TMX4: variants seen among roughly 807,000 people sequenced by gnomAD.
TMX4 encodes thioredoxin-related transmembrane protein 4.
TMX4 carries 23 observed loss-of-function variants against 33.3 expected under a neutral mutation model. That is an observed-to-expected ratio of 0.69 (90% CI 0.50 to 0.98). The LOEUF (loss-of-function observed/expected upper bound fraction) is 0.98, where lower values mean the gene tolerates loss of function less well. Ranked by LOEUF, TMX4 falls within the 50% of genes least tolerant of loss-of-function variation. TMX4 has a pLI of 0.00. For synonymous variants in TMX4, 164 were observed against 161.5 expected (o/e 1.02, Z -0.12); for missense variants, 399 against 448.9 (o/e 0.89, Z 1.01).
At chr20:8,004,628 C>T (rs2050720400) in intron 2 of TMX4, among the ~76,000 whole-genome samples, 2 of 151,258 alleles carry the variant, frequency 1.3e-5, no homozygotes, top group South Asian at 4.2e-4. Context: ...ACACATGCAG[C>T]AAAAGAAAGA....
chr20:8,006,469 C>T (rs1048993038), intron 2 of TMX4, among the ~76,000 whole-genome samples: 3 of 151,966 alleles, frequency 2.0e-5, no homozygotes, highest in African/African-American at 7.3e-5. Flanking sequence ...AGATCTGCAA[C>T]CAAATAGAAA....
intron 2 of TMX4, among the ~76,000 whole-genome samples, chr20:8,006,321 AAG>A (rs1491317434): frequency 2.6e-5 from 4 of 152,216 alleles, no homozygotes; most frequent in African/African-American, 9.6e-5. Flanking sequence ...CTACTGATGG[AAG>A]AGTTATAAGA....
At chr20:7,989,030 A>T (rs2122855977) in intron 5 of TMX4, among the ~76,000 whole-genome samples, 1 of 152,198 alleles carries the variant, frequency 6.6e-6, no homozygotes, top group Admixed American at 6.5e-5. Context: ...AAGAAAAAAA[A>T]AAAAAAAGTA....
At chr20:8,006,121 C>G (rs1022152851) in intron 2 of TMX4, among the ~76,000 whole-genome samples, 2 of 151,402 alleles carry the variant, frequency 1.3e-5, no homozygotes, top group African/African-American at 4.9e-5. Context: ...CCCCTTTATG[C>G]TGCCGTGGGA....
intron 6 of TMX4, among the ~76,000 whole-genome samples, chr20:7,985,501 G>C (rs2050627515): frequency 2.0e-5 from 3 of 151,742 alleles, no homozygotes; most frequent in Admixed American, 2.0e-4. Flanking sequence ...TCAAACTCCT[G>C]GGCTCAAATG....
chr20:8,013,905 A>G (rs1441804345), intron 1 of TMX4: 1 of 152,228 alleles, frequency 6.6e-6, no homozygotes, highest in East Asian at 1.9e-4. Context: ...TTCACTTAGT[A>G]GAACTTTGAT....
intron 4 of TMX4, among the ~76,000 whole-genome samples, chr20:7,997,419 T>C (rs2122864706): frequency 6.6e-6 from 1 of 152,268 alleles, no homozygotes; most frequent in East Asian, 1.9e-4. Context: ...CCCTCTTTTT[T>C]TCCTTTTTCC....
intron 4 of TMX4, among the ~76,000 whole-genome samples, chr20:7,997,013 G>A (rs780646699): frequency 2.6e-5 from 4 of 152,026 alleles, no homozygotes; most frequent in African/African-American, 4.8e-5. Flanking sequence ...ATCTCCCTTC[G>A]CCTCTTAGTA....
intron 1 of TMX4, among the ~76,000 whole-genome samples, chr20:8,017,459 AG>A (rs778012163): frequency 3.3e-5 from 5 of 152,374 alleles, no homozygotes; most frequent in Non-Finnish European, 7.3e-5. Flanking sequence ...TTCATAAAAA[AG>A]TAAAATTTGA....
intron 2 of TMX4, among the ~76,000 whole-genome samples, chr20:8,009,315 A>T (rs1372758555): frequency 2.0e-5 from 3 of 152,142 alleles, no homozygotes; most frequent in Non-Finnish European, 4.4e-5. Flanking sequence ...TTCTTGTGAA[A>T]ACTTATATCA....
In TMX4 at chr20:7,982,428, C is replaced by G; in HGVS notation, c.873G>C (p.Glu291Asp). 1 of 1,614,148 alleles carries G rather than the reference C, an allele frequency of 6.2e-7. No homozygotes were observed. The highest frequency in any genetic ancestry group is 8.5e-7 in the Non-Finnish European group (1 of 1,180,030). Residue 291 changes from glutamate (E) to aspartate (D), a missense_variant, in exon 8 of 8, where the codon GAG (glutamate) becomes GAC (aspartate). Glu to Asp is a conservative substitution (Grantham distance 45). Transcript: ENST00000246024. ...EEDNLAAGVD[E>D]ERSEANDQGP... ...CCTGATCATTGGCCTCACTTCTCTC[C>G]TCATCCACACCAGCAGCCAAGTTGT...
rs1156723197 is a variant in TMX4 at position 8,018,481 on chromosome 20, GGAGAGAGAGAGA to G, written c.176+945_176+956del. Among the ~76,000 whole-genome samples the G allele has an allele frequency of 7.9e-3, 108 of 13,718 alleles. 1 individual carries two copies. Among genetic ancestry groups the G allele is most frequent in the Non-Finnish European group, 9.6e-3 (83 of 8,640 alleles). 9.0% of individuals were successfully genotyped at this position (13,718 alleles called of 152,430 possible). The stretch of plus-strand genomic sequence containing the variant: ...GAGGGAGGGAGGGAGGGAGGGAGGG[GGAGAGAGAGAGA>G]GAGAGAGAGAGAGAGAGAGAGAGAG... On this transcript the variant is annotated intron_variant, in intron 1 of 7. Transcript: ENST00000246024.
At chr20:8,006,691 A>G (rs2122873724) in intron 2 of TMX4, among the ~76,000 whole-genome samples, 2 of 151,464 alleles carry the variant, frequency 1.3e-5, no homozygotes, top group Non-Finnish European at 2.9e-5. Context: ...AGACCCTCCT[A>G]CTTCTCCCTC....
At chr20:7,993,634 C>G (rs956255962) in intron 5 of TMX4, among the ~76,000 whole-genome samples, 3 of 152,094 alleles carry the variant, frequency 2.0e-5, no homozygotes, top group Non-Finnish European at 4.4e-5. Context: ...ATTCTAGAAA[C>G]ACAGGTGGCA....
intron 2 of TMX4, among the ~76,000 whole-genome samples, chr20:8,009,986 A>G (rs1204231367): frequency 2.0e-5 from 3 of 152,100 alleles, no homozygotes; most frequent in Non-Finnish European, 4.4e-5. Context: ...CAAAATAAAA[A>G]TAGAAAAAAT....
rs755091770 is a variant in TMX4, at chr20:8,019,578, C to G, written c.36G>C (p.Ala12=). Residue 12 remains alanine, a synonymous_variant, in exon 1 of 8, where the codon GCG becomes GCC. Transcript: ENST00000246024. ...CAGCCGCGATCCAGGCGGCCAGGAG[C>G]GCCGTTAGCTGCGGGCCGCAGCGCC... is the stretch of plus-strand genomic sequence containing the variant. The part of the protein sequence containing the change: ...AGGRCGPQLT[A]LLAAWIAAVA... The G allele has an allele frequency of 7.2e-7, 1 of 1,390,238 alleles. No homozygotes were observed. The highest frequency in any genetic ancestry group is 9.3e-7 in the Non-Finnish European group (1 of 1,074,864). The allele number at this position is 1,390,238 out of a possible 1,614,324, so 86.1% of individuals were successfully genotyped here.
intron 1 of TMX4, among the ~76,000 whole-genome samples, chr20:8,017,954 A>C (rs912255272): frequency 1.3e-5 from 2 of 152,112 alleles, no homozygotes; most frequent in Non-Finnish European, 2.9e-5. Flanking sequence ...GGAGGTCTAA[A>C]ATATCCCCTT....
At position 7,999,854 on chromosome 20, in the gene TMX4, C is replaced by G. The variant is rs578063421; in HGVS notation, c.345G>C (p.Lys115Asn). ...VTTLPAFFHA[K>N]DGIFRRYRGP... ...CACGATAACGGCGGAATATCCCATC[C>G]TTTGCACTATAAATTATGAAAACAA... Residue 115 changes from lysine to asparagine, a missense_variant, in exon 4 of 8, where the codon AAG (lysine) becomes AAC (asparagine). Coordinates refer to ENST00000246024, the MANE Select transcript of TMX4 (RefSeq NM_021156.4). The G allele has an allele frequency of 6.2e-7, 1 of 1,607,744 alleles. No individual in the cohort carries two copies. The highest frequency in any genetic ancestry group is 1.3e-5 in the African/African-American group (1 of 74,572).
intron 5 of TMX4, among the ~76,000 whole-genome samples, chr20:7,995,016 C>T (rs1003718083): frequency 8.5e-5 from 13 of 152,148 alleles, no homozygotes; most frequent in African/African-American, 2.9e-4. Flanking sequence ...TTCAATTCGC[C>T]TCTGTTGTAA....
Sources: gnomAD v4.1 joint callset for allele counts (sites outside exome capture counted in the v4.1 genomes callset) on GRCh38, gnomAD v4.1.1 for gene constraint, MANE v1.5 for transcripts, NCBI Gene and HGNC (gene_info 2026-07-23, HGNC 2026-07-21) for gene names.